DNA2: variants seen among roughly 807,000 people sequenced by gnomAD.
DNA2 encodes DNA replication helicase/nuclease 2.
A neutral mutation model predicts 119.1 loss-of-function variants in DNA2; 101 were observed. That is an observed-to-expected ratio of 0.85 (90% CI 0.72 to 1.00). DNA2 has a LOEUF of 1.00. DNA2 is among the 50% of genes least tolerant of loss of function. The probability of loss-of-function intolerance (pLI) is 0.00; values close to 1 mark genes in which losing one functional copy is unlikely to be tolerated. For missense variants in DNA2, 1,121 were observed against 1,255.5 expected (o/e 0.89, Z 1.62); for synonymous variants, 366 against 424.4 (o/e 0.86, Z 1.69).
At position 68,422,762 on chromosome 10, in the gene DNA2, T is replaced by TG; in HGVS notation, c.2336dup (p.Arg780ThrfsTer20). 1 of 1,605,418 alleles carries TG rather than the reference T, an allele frequency of 6.2e-7. No individual in the cohort carries two copies. The highest frequency in any genetic ancestry group is 8.5e-7 in the Non-Finnish European group (1 of 1,177,644). ...GGTCCCCCACTAACACAAATCTCCGTGAAAAAAAAAGGGGGCCCAGACAAA... is the reference window on the plus strand; with the variant it reads ...GGTCCCCCACTAACACAAATCTCCGTGGAAAAAAAAAGGGGGCCCAGACAAA... On this transcript the variant is annotated frameshift_variant, in exon 15 of 21. Transcript: ENST00000358410. LOFTEE classifies it high-confidence loss of function.
intron 14 of DNA2, among the ~76,000 whole-genome samples, chr10:68,425,267 T>C (rs2051723906): frequency 6.6e-6 from 1 of 151,262 alleles, no homozygotes; most frequent in Non-Finnish European, 1.5e-5. Context: ...GCTAATTTTT[T>C]GTATTTTTAG....
intron 19 of DNA2, among the ~76,000 whole-genome samples, chr10:68,417,438 G>A (rs2051606570): frequency 6.8e-6 from 1 of 147,642 alleles, no homozygotes; most frequent in Non-Finnish European, 1.5e-5. Context: ...CAAGGTGGGA[G>A]GATTGCTAGA....
intron 12 of DNA2, 91 bp downstream of exon 12, chr10:68,432,115 G>A: frequency 1.8e-6 from 2 of 1,131,552 alleles, no homozygotes; most frequent in Admixed American, 2.2e-5. Flanking sequence ...AAACATTGTA[G>A]TTGCAAGTCT....
At chr10:68,427,650 AACACACACAC>A (rs151180015) in intron 14 of DNA2, among the ~76,000 whole-genome samples, 25 of 140,242 alleles carry the variant, frequency 1.8e-4, no homozygotes, top group South Asian at 4.6e-4. Flanking sequence ...CCTTGTCTCA[AACACACACAC>A]ACACACACAC....
rs1040524784 is a variant in DNA2, at chr10:68,430,584, A to G, written c.2060T>C (p.Leu687Ser). The G allele has an allele frequency of 4.4e-6, 7 of 1,608,108 alleles. No individual in the cohort carries two copies. The African/African-American group carries it at 9.3e-5, about 21-fold the overall frequency. ...TCCTATTTTAAACTTGGCTAACTTC[A>G]AAAGAATATTGTCAACAGCAGAGTG... ...YTHSAVDNIL[L>S]KLAKFKIGFL... The change falls in exon 14 of 21, where the codon TTG becomes TCG. Residue 687 changes from leucine (L) to serine (S), a missense_variant. Transcript: ENST00000358410.
rs989504911 is a variant in DNA2, at chr10:68,429,468, C to T, written c.2208+968G>A. On this transcript the variant is annotated intron_variant, in intron 14 of 20. Transcript: ENST00000358410. ...CTGAAGCAGGAGAATCGCTTGAATC[C>T]GGGAGGCAGAGGCTGCTGTGAGCTG... is the stretch of plus-strand genomic sequence containing the variant. Among the ~76,000 whole-genome samples the T allele has an allele frequency of 6.0e-5, 9 of 149,044 alleles. No individual in the cohort carries two copies. In the East Asian group the frequency reaches 9.9e-4, roughly 16 times the overall value.
At chr10:68,428,702 G>A (rs2051775708) in intron 14 of DNA2, among the ~76,000 whole-genome samples, 1 of 152,198 alleles carries the variant, frequency 6.6e-6, no homozygotes, top group Non-Finnish European at 1.5e-5. Flanking sequence ...ATCAGGCTAA[G>A]TAAAAAACAC....
chr10:68,454,511 T>G (rs866307366), intron 5 of DNA2, among the ~76,000 whole-genome samples: 1 of 151,944 alleles, frequency 6.6e-6, no homozygotes, highest in Non-Finnish European at 1.5e-5. Flanking sequence ...TACCGTAATT[T>G]AAAATGTCAA....
intron 14 of DNA2, among the ~76,000 whole-genome samples, chr10:68,428,203 T>C (rs1564880370): frequency 6.6e-6 from 1 of 151,800 alleles, no homozygotes; most frequent in Non-Finnish European, 1.5e-5. Context: ...GGCAGGCGCC[T>C]GTAGTCCCAG....
chr10:68,472,067 C>G, upstream of DNA2: 1 of 1,589,296 alleles, frequency 6.3e-7, no homozygotes, highest in Non-Finnish European at 8.6e-7. Flanking sequence ...AGCAGCAGGG[C>G]TCTGTCCCCT....
intron 9 of DNA2, among the ~76,000 whole-genome samples, chr10:68,437,464 C>T (rs1024012658): frequency 3.4e-5 from 5 of 147,842 alleles, no homozygotes; most frequent in Non-Finnish European, 7.4e-5. Context: ...GGTGAAAACC[C>T]TATCTCTACT....
intron 17 of DNA2, among the ~76,000 whole-genome samples, chr10:68,420,864 G>C (rs761965165): frequency 1.3e-5 from 2 of 152,074 alleles, no homozygotes; most frequent in South Asian, 2.1e-4. Context: ...GTGCATATGT[G>C]GGGGAGGGAG....
At chr10:68,461,403 C>T (rs2052256271) in intron 4 of DNA2, 1 of 152,236 alleles carries the variant, frequency 6.6e-6, no homozygotes, top group Non-Finnish European at 1.5e-5. Context: ...AAAATAGAGG[C>T]TTGGTCTACA....
At chr10:68,461,147 G>A (rs2052252618) in intron 4 of DNA2, among the ~76,000 whole-genome samples, 1 of 152,126 alleles carries the variant, frequency 6.6e-6, no homozygotes, top group Non-Finnish European at 1.5e-5. Context: ...ACAGTATATA[G>A]GAATGTTAAC....
At chr10:68,424,594 G>A in intron 14 of DNA2, 1 of 1,270,220 alleles carries the variant, frequency 7.9e-7, no homozygotes, top group Non-Finnish European at 1.2e-6. Context: ...TTGGACCGCA[G>A]CAAAAACCGC....
chr10:68,422,215 T>C lies in DNA2; in HGVS notation c.2697+10A>G. On this transcript the variant is annotated intron_variant, in intron 17 of 20. Coordinates refer to ENST00000358410, the MANE Select transcript of DNA2 (RefSeq NM_001080449.3). ...AATGAGAAAAACTAAACAGAAATTTTTTTTTTTACCTTGTCTGTATTAAGG... is the reference window on the plus strand; with the variant it reads ...AATGAGAAAAACTAAACAGAAATTTCTTTTTTTACCTTGTCTGTATTAAGG... The C allele has an allele frequency of 2.0e-6, 3 of 1,531,196 alleles. No individual in the cohort carries two copies. Among genetic ancestry groups the C allele is most frequent in the Non-Finnish European group, 2.6e-6 (3 of 1,143,340 alleles). 94.9% of individuals were successfully genotyped at this position (1,531,196 alleles called of 1,614,324 possible).
At chr10:68,417,391 C>CAAAAAAAAAA (rs35777569) in intron 19 of DNA2, among the ~76,000 whole-genome samples, 4 of 77,502 alleles carry the variant, frequency 5.2e-5, no homozygotes, top group African/African-American at 1.1e-4. Flanking sequence ...ATAAGAAAAC[C>CAAAAAAAAAA]AAAAAAAAAA....
At chr10:68,468,423 T>G in intron 2 of DNA2, 117 bp from the exon 3 acceptor site, 1 of 696,008 alleles carries the variant, frequency 1.4e-6, no homozygotes, top group South Asian at 5.1e-5. Flanking sequence ...AAAAAATATT[T>G]CTAAATTTCT....
chr10:68,451,524 C>T (rs1051673773), intron 5 of DNA2, among the ~76,000 whole-genome samples: 1 of 152,070 alleles, frequency 6.6e-6, no homozygotes, highest in African/African-American at 2.4e-5. Context: ...ATCCTATCTA[C>T]TGGGAAAATA....
Sources: gnomAD v4.1 joint callset for allele counts (sites outside exome capture counted in the v4.1 genomes callset) on GRCh38, gnomAD v4.1.1 for gene constraint, MANE v1.5 for transcripts, NCBI Gene and HGNC (gene_info 2026-07-23, HGNC 2026-07-21) for gene names.